Variants in POLR1A observed in about 807,000 individuals in gnomAD.
POLR1A encodes DNA-directed RNA polymerase I subunit RPA1.
POLR1A carries 84 observed loss-of-function variants against 205.3 expected under a neutral mutation model. The ratio of observed to expected loss-of-function variants is 0.41; its 90% CI spans 0.34 to 0.49. The LOEUF (loss-of-function observed/expected upper bound fraction) is 0.49, where lower values mean the gene tolerates loss of function less well. Ranked by LOEUF, POLR1A falls within the 20% of genes least tolerant of loss-of-function variation. The pLI is 0.22. For synonymous variants in POLR1A, 799 were observed against 863.7 expected, an observed-to-expected ratio of 0.93 and a Z score of 1.31; for missense variants, 1,645 against 2,204.5, an observed-to-expected ratio of 0.75 and a Z score of 5.08.
At position 86,027,830 on chromosome 2, in the gene POLR1A, G is replaced by A. The variant is rs143790169; in HGVS notation, c.5062+55C>T. The stretch of plus-strand genomic sequence containing the variant: ...TGGAAAGATGCCCATGGGTGAGCCC[G>A]TGTGCCCAGAGTCGTCAGTAGAGGG... On this transcript the variant is annotated intron_variant, in intron 33 of 33. Coordinates refer to ENST00000263857, the MANE Select transcript of POLR1A (RefSeq NM_015425.6). 4.8e-4 allele frequency: 754 copies of A among 1,580,912 alleles called. 6 individuals are homozygous for A. The East Asian group carries it at 0.01, about 21-fold the overall frequency.
At chr2:86,101,201 T>C (rs1445301059) in intron 1 of POLR1A, among the ~76,000 whole-genome samples, 1 of 152,186 alleles carries the variant, frequency 6.6e-6, no homozygotes, top group Non-Finnish European at 1.5e-5. Context: ...CCTTTCTGAT[T>C]TAGAAAATAA....
In POLR1A at chr2:86,057,238, G is replaced by A. The variant is rs375053763; in HGVS notation, c.2059-2949C>T. Among the ~76,000 whole-genome samples, 168 of 152,284 alleles carry A rather than the reference G, an allele frequency of 1.1e-3. 3 individuals carry two copies. The South Asian group carries it at 0.033, about 30-fold the overall frequency. ...TCAGAGGGTCAAGACTTCAGTGGAG[G>A]AAGTAATGGCAGCAGTAGTAGAAAT... On this transcript the variant is annotated intron_variant, in intron 14 of 33. Coordinates refer to ENST00000263857, the MANE Select transcript of POLR1A (RefSeq NM_015425.6).
At position 86,067,968 on chromosome 2, in the gene POLR1A, C is replaced by T. The variant is rs533364827; in HGVS notation, c.1866+2050G>A. On this transcript the variant is annotated intron_variant, in intron 13 of 33. Coordinates refer to ENST00000263857, the MANE Select transcript of POLR1A (RefSeq NM_015425.6). Reference sequence around the variant, plus strand: ...AATTTATTGACATTAAGTTTATTTACCTGTGTTCTCCTGCCTCCCTTAAGT... The same window carrying T: ...AATTTATTGACATTAAGTTTATTTATCTGTGTTCTCCTGCCTCCCTTAAGT... 2.1e-3 allele frequency among the ~76,000 whole-genome samples: 320 copies of T among 152,244 alleles called. 3 individuals carry two copies. The highest frequency in any genetic ancestry group is 1.8e-3 in the Non-Finnish European group (120 of 68,032).
chr2:86,030,499 G>T (rs1672366324), intron 30 of POLR1A, 103 bp from the exon 31 acceptor site: 1 of 807,318 alleles, frequency 1.2e-6, no homozygotes. Flanking sequence ...CTCCCTGGCT[G>T]GGGGAAAGTG....
At chr2:86,047,110 C>A (rs910256011) in intron 19 of POLR1A, 55 bp downstream of exon 19, 5 of 1,191,574 alleles carry the variant, frequency 4.2e-6, no homozygotes, top group Admixed American at 3.4e-5. Context: ...CTCCTGCTAT[C>A]CCCCACCTGC....
intron 2 of POLR1A, among the ~76,000 whole-genome samples, chr2:86,099,767 A>G (rs2104437472): frequency 6.6e-6 from 1 of 152,342 alleles, no homozygotes; most frequent in South Asian, 2.1e-4. Flanking sequence ...AACTGGAATC[A>G]AACTGATATT....
chr2:86,086,716 G>A (rs1673510448), intron 6 of POLR1A, among the ~76,000 whole-genome samples: 1 of 152,236 alleles, frequency 6.6e-6, no homozygotes, highest in African/African-American at 2.4e-5. Flanking sequence ...TGCAATGAAA[G>A]ATGACTTTAG....
At chr2:86,055,297 GAA>G (rs903433351) in intron 14 of POLR1A, among the ~76,000 whole-genome samples, 18 of 151,496 alleles carry the variant, frequency 1.2e-4, no homozygotes, top group Non-Finnish European at 2.7e-4. Flanking sequence ...TCTGTCTCAA[GAA>G]AAAAAAGAGA....
At position 86,023,347 on chromosome 2, in the gene POLR1A, C is replaced by T. The variant is rs1483804862; in HGVS notation, c.*4076G>A. The T allele has an allele frequency of 6.6e-6, 1 of 152,218 alleles. No homozygotes were observed. Among genetic ancestry groups the T allele is most frequent in the Admixed American group, 6.5e-5 (1 of 15,282 alleles). The allele number at this position is 152,218 out of a possible 1,614,324, so 9.4% of individuals were successfully genotyped here. On this transcript the variant is annotated 3_prime_UTR_variant, in exon 34 of 34. Transcript: ENST00000263857. ...ACTCAACGATGAAAGACTCAACGAA[C>T]CAGCCTTTAACGACCAGTCTTTTCT...
intron 24 of POLR1A, among the ~76,000 whole-genome samples, chr2:86,041,210 CTGTGTGTG>C (rs67036891): frequency 1.7e-5 from 2 of 114,512 alleles, no homozygotes; most frequent in Admixed American, 8.9e-5. Context: ...GCTACAGTGT[CTGTGTGTG>C]TGTGTGTGTG....
chr2:86,036,900 T>A (rs1337352984), intron 27 of POLR1A: 1 of 152,238 alleles, frequency 6.6e-6, no homozygotes, highest in Non-Finnish European at 1.5e-5. Context: ...AAAAGTGATT[T>A]CCTATTTTCA....
rs937838105 is a variant in POLR1A at position 86,022,033 on chromosome 2, G to A, written c.*5390C>T. 2.0e-5 allele frequency: 3 copies of A among 152,230 alleles called. No individual in the cohort carries two copies. The highest frequency in any genetic ancestry group is 7.2e-5 in the African/African-American group (3 of 41,460). 9.4% of individuals were successfully genotyped at this position (152,230 alleles called of 1,614,324 possible). Reference sequence around the variant, plus strand: ...TGATGACCACTCGTGGTAGGACAGCGATGCTGCTTAAAGAACTTAAGGAAC... The same window carrying A: ...TGATGACCACTCGTGGTAGGACAGCAATGCTGCTTAAAGAACTTAAGGAAC... On this transcript the variant is annotated 3_prime_UTR_variant, in exon 34 of 34. Transcript: ENST00000263857.
rs771443801 is a variant in POLR1A, at chr2:86,038,792, C to A, written c.3942G>T (p.Val1314=). The A allele has an allele frequency of 2.2e-5, 35 of 1,613,838 alleles. 1 individual carries two copies. The African/African-American group carries it at 4.5e-4, about 21-fold the overall frequency. The change falls in exon 27 of 34, where the codon GTG becomes GTT. Residue 1314 remains valine, a synonymous_variant. Coordinates refer to ENST00000263857, the MANE Select transcript of POLR1A (RefSeq NM_015425.6). ...CMEEKQNKFQ[V]YQLRFQFLPH... is the part of the protein sequence containing the mutation. ...GCAGGAACTGAAACCGCAGCTGGTA[C>A]ACCTGGAATTTGTTCTGTTTTTCTT...
chr2:86,101,103 G>T (rs541724536), intron 1 of POLR1A, among the ~76,000 whole-genome samples: 20 of 152,254 alleles, frequency 1.3e-4, no homozygotes, highest in African/African-American at 4.6e-4. Flanking sequence ...CTTAAAAAAG[G>T]TTTCATCACA....
intron 12 of POLR1A, among the ~76,000 whole-genome samples, chr2:86,072,655 G>A (rs556097851): frequency 5.3e-5 from 8 of 152,356 alleles, no homozygotes; most frequent in Admixed American, 2.0e-4. Context: ...AGGCAGGCTC[G>A]GAGCCAAAGG....
rs1290297135 is a variant in POLR1A, at chr2:86,033,778, T to C, written c.4044A>G (p.Lys1348=). ...ILRFMETRFF[K]LLMESIKKKN... ...TCTTTTTGATGGATTCCATCAGAAGTTTAAAGAATCTAAAACAAGAAGAAA... is the reference window on the plus strand; with the variant it reads ...TCTTTTTGATGGATTCCATCAGAAGCTTAAAGAATCTAAAACAAGAAGAAA... The change falls in exon 28 of 34, where the codon AAA becomes AAG. Residue 1348 remains lysine (K), a synonymous_variant. Coordinates refer to ENST00000263857, the MANE Select transcript of POLR1A (RefSeq NM_015425.6). 6.2e-7 allele frequency: 1 copy of C among 1,613,932 alleles called. No homozygotes were observed. The highest frequency in any genetic ancestry group is 8.5e-7 in the Non-Finnish European group (1 of 1,179,990).
At chr2:86,080,607 C>T (rs1227590723) in intron 9 of POLR1A, among the ~76,000 whole-genome samples, 3 of 152,140 alleles carry the variant, frequency 2.0e-5, no homozygotes, top group Admixed American at 6.5e-5. Context: ...AGAAGCTAGA[C>T]CAGAACCCAC....
chr2:86,077,747 C>T, intron 11 of POLR1A, 112 bp downstream of exon 11: 1 of 1,278,144 alleles, frequency 7.8e-7, no homozygotes, highest in Non-Finnish European at 1.1e-6. Flanking sequence ...CATCCTGTCC[C>T]CAGTCCTCTG....
intron 1 of POLR1A, 42 bp downstream of exon 1, chr2:86,105,658 C>T (rs753062977): frequency 3.5e-6 from 5 of 1,420,014 alleles, no homozygotes; most frequent in South Asian, 2.3e-5. Context: ...GGGCGCCGAC[C>T]TCAAGATCCA....
Sources: allele counts gnomAD v4.1 joint callset (sites outside exome capture counted in the v4.1 genomes callset), GRCh38; gene constraint gnomAD v4.1.1; transcripts MANE v1.5; gene names NCBI Gene and HGNC (gene_info 2026-07-23, HGNC 2026-07-21).